SLC36A1: variants seen among roughly 807,000 people sequenced by gnomAD.
SLC36A1 encodes proton-coupled amino acid transporter 1.
A neutral mutation model predicts 47.5 loss-of-function variants in SLC36A1; 30 were observed. The observed-to-expected ratio is 0.63, with a 90% CI of 0.47 to 0.86. SLC36A1 has a LOEUF of 0.86. SLC36A1 is among the 40% of genes least tolerant of loss of function. SLC36A1 has a pLI of 0.00. For missense variants in SLC36A1, 517 were observed against 606.0 expected, an observed-to-expected ratio of 0.85 and a Z score of 1.54; for synonymous variants, 255 against 249.7, an observed-to-expected ratio of 1.02 and a Z score of -0.20.
At chr5:151,537,469 A>G in the SLC36A1 span, among the ~76,000 whole-genome samples, 1 of 151,904 alleles carries the variant, frequency 6.6e-6, no homozygotes, top group South Asian at 2.1e-4. Flanking sequence ...GAAGGAAAGG[A>G]GAAACCAAGA....
chr5:151,476,246 G>A (rs1758034357), intron 8 of SLC36A1, among the ~76,000 whole-genome samples: 1 of 152,238 alleles, frequency 6.6e-6, no homozygotes, highest in Non-Finnish European at 1.5e-5. Flanking sequence ...TGACATGAGA[G>A]GGCCTTCTGG....
the SLC36A1 span, chr5:151,529,110 T>C: frequency 7.6e-7 from 1 of 1,313,592 alleles, no homozygotes; most frequent in African/African-American, 1.4e-5. Flanking sequence ...GATGGCTGGG[T>C]GTGGGGGTGA....
At chr5:151,545,337 A>G in the SLC36A1 span, 1 of 1,614,194 alleles carries the variant, frequency 6.2e-7, no homozygotes, top group Non-Finnish European at 8.5e-7. Context: ...CCAGGAAAGC[A>G]GGATTCAGCA....
At chr5:151,554,520 C>G in the SLC36A1 span, 4 of 1,614,244 alleles carry the variant, frequency 2.5e-6, no homozygotes, top group Non-Finnish European at 3.4e-6. Context: ...AGCCTGTACA[C>G]AGGCCCAGGG....
chr5:151,451,228 A>T (rs563242763), intron 1 of SLC36A1, among the ~76,000 whole-genome samples: 66 of 151,828 alleles, frequency 4.3e-4, no homozygotes, highest in Middle Eastern at 3.4e-3. Context: ...TATTATTATT[A>T]TTTTTTTGGA....
chr5:151,468,757 CA>C (rs1338123537), intron 7 of SLC36A1, among the ~76,000 whole-genome samples: 7 of 151,960 alleles, frequency 4.6e-5, no homozygotes, highest in Non-Finnish European at 7.4e-5. Flanking sequence ...ATGGTTAATT[CA>C]TGATCATTGT....
chr5:151,394,860 T>A, the SLC36A1 span, among the ~76,000 whole-genome samples: 6 of 152,186 alleles, frequency 3.9e-5, no homozygotes, highest in Admixed American at 1.3e-4. Context: ...GGGACCCGCT[T>A]GAGGAGGCAG....
At chr5:151,545,025 G>T in the SLC36A1 span, 5 of 1,614,188 alleles carry the variant, frequency 3.1e-6, no homozygotes, top group African/African-American at 6.7e-5. Flanking sequence ...ACTCATGAGT[G>T]TCCTGCTGCT....
the SLC36A1 span, among the ~76,000 whole-genome samples, chr5:151,346,401 C>T: frequency 6.6e-6 from 1 of 152,152 alleles, no homozygotes; most frequent in Non-Finnish European, 1.5e-5. Flanking sequence ...TGCAGTGCAC[C>T]CCCGAGAAAC....
the SLC36A1 span, chr5:151,551,653 G>A: frequency 3.7e-6 from 6 of 1,606,422 alleles, no homozygotes; most frequent in Non-Finnish European, 5.1e-6. Context: ...AGTGATTTAG[G>A]CAGCATAGCA....
chr5:151,377,353 T>G, the SLC36A1 span, among the ~76,000 whole-genome samples: 2 of 147,126 alleles, frequency 1.4e-5, no homozygotes, highest in African/African-American at 5.0e-5. Flanking sequence ...CTTTCTTTTT[T>G]TTTTTTTTTT....
chr5:151,419,509 T>C, the SLC36A1 span, among the ~76,000 whole-genome samples: 5 of 152,238 alleles, frequency 3.3e-5, no homozygotes, highest in East Asian at 9.6e-4. Context: ...TTCTGATATA[T>C]TAATTTGCCC....
chr5:151,468,450 A>AAT (rs1756901783), intron 7 of SLC36A1, among the ~76,000 whole-genome samples: 1 of 146,870 alleles, frequency 6.8e-6, no homozygotes, highest in Non-Finnish European at 1.5e-5. Flanking sequence ...ATATATACAT[A>AAT]ATATATATAT....
chr5:151,382,314 A>C, the SLC36A1 span: 1 of 1,045,878 alleles, frequency 9.6e-7, no homozygotes, highest in Non-Finnish European at 1.5e-6. Flanking sequence ...CAGTCGCCTC[A>C]GCAGCCTCAA....
intron 8 of SLC36A1, among the ~76,000 whole-genome samples, chr5:151,475,705 A>G (rs1757953240): frequency 6.6e-6 from 1 of 152,264 alleles, no homozygotes; most frequent in Admixed American, 6.5e-5. Flanking sequence ...CCAGGCCTGC[A>G]GCAGGATCAT....
chr5:151,479,538 C>G, intron 10 of SLC36A1, 49 bp downstream of exon 10: 1 of 1,587,884 alleles, frequency 6.3e-7, no homozygotes, highest in Non-Finnish European at 8.6e-7. Flanking sequence ...TAAAGGGCAC[C>G]CAGTCTGCAG....
the SLC36A1 span, among the ~76,000 whole-genome samples, chr5:151,497,622 G>T: frequency 6.6e-6 from 1 of 152,112 alleles, no homozygotes; most frequent in Non-Finnish European, 1.5e-5. Context: ...ATTTCCGGCT[G>T]CTCTGGTGCT....
chr5:151,390,990 A>G, the SLC36A1 span, among the ~76,000 whole-genome samples: 1 of 152,140 alleles, frequency 6.6e-6, no homozygotes, highest in African/African-American at 2.4e-5. Flanking sequence ...TCTATAAATT[A>G]CCTTGGGCAG....
chr5:151,462,283 C>G (rs749003256), intron 2 of SLC36A1, among the ~76,000 whole-genome samples: 5 of 152,006 alleles, frequency 3.3e-5, no homozygotes, highest in Non-Finnish European at 7.3e-5. Flanking sequence ...TTTGGAAGAT[C>G]TGTGTAAACT....
Sources: allele counts gnomAD v4.1 joint callset (sites outside exome capture counted in the v4.1 genomes callset), GRCh38; gene constraint gnomAD v4.1.1; transcripts MANE v1.5; gene names NCBI Gene and HGNC (gene_info 2026-07-23, HGNC 2026-07-21).